The following NF1 variants were observed in gnomAD, a reference collection of about 807,000 sequenced individuals.
NF1 encodes the protein neurofibromin 1.
Under a neutral mutation model 325.7 loss-of-function variants are expected in NF1, and 122 were observed. That is an observed-to-expected ratio of 0.37 (90% CI 0.32 to 0.44). The LOEUF is 0.44. Among genes scored for constraint, NF1 ranks in the 20% least tolerant of loss-of-function variants. The probability of loss-of-function intolerance (pLI) is 1.00; values close to 1 mark genes in which losing one functional copy is unlikely to be tolerated. For missense variants in NF1, 2,140 were observed against 3,415.4 expected (o/e 0.63, Z 9.31); for synonymous variants, 1,091 against 1,186.0 (o/e 0.92, Z 1.65).
chr17:31,285,154 A>G (rs2068200306), intron 36 of NF1, among the ~76,000 whole-genome samples: 1 of 151,870 alleles, frequency 6.6e-6, no homozygotes. Flanking sequence ...GCACATGGCT[A>G]TAGTCCCAGC....
At chr17:31,195,247 AG>A (rs2143847132) in intron 8 of NF1, among the ~76,000 whole-genome samples, 1 of 152,250 alleles carries the variant, frequency 6.6e-6, no homozygotes, top group East Asian at 1.9e-4. Flanking sequence ...TCCTAAGTCA[AG>A]TACTGCTACT....
At position 31,105,237 on chromosome 17, in the gene NF1, G is replaced by A. The variant is rs17885960; in HGVS notation, c.60+9868G>A. Among the ~76,000 whole-genome samples the A allele has an allele frequency of 9.9e-5, 15 of 152,248 alleles. No homozygotes were observed. The East Asian group carries it at 2.7e-3, about 27-fold the overall frequency. On this transcript the variant is annotated intron_variant, in intron 1 of 57. Coordinates refer to ENST00000358273, the MANE Select transcript of NF1 (RefSeq NM_001042492.3). ...GAGCCACTGACTATATCATCAAAAAGCTTCTGTTGAGACAAAGCCTCAAGC... is the reference window on the plus strand; with the variant it reads ...GAGCCACTGACTATATCATCAAAAAACTTCTGTTGAGACAAAGCCTCAAGC...
chr17:31,284,704 A>G (rs2068190757), intron 36 of NF1, among the ~76,000 whole-genome samples: 1 of 152,162 alleles, frequency 6.6e-6, no homozygotes, highest in African/African-American at 2.4e-5. Flanking sequence ...GATTACGGGC[A>G]TAAGCCACTG....
chr17:31,318,782 G>T, intron 36 of NF1: 1 of 1,613,868 alleles, frequency 6.2e-7, no homozygotes, highest in South Asian at 1.1e-5. Context: ...GATGTTTCAG[G>T]CATGTTTGTA....
At chr17:31,344,298 T>C (rs911045602) in intron 48 of NF1, among the ~76,000 whole-genome samples, 3 of 152,206 alleles carry the variant, frequency 2.0e-5, no homozygotes, top group African/African-American at 7.2e-5. Context: ...CCTAACCTGG[T>C]TTTACTCCCC....
At chr17:31,283,974 C>CT (rs1447006096) in intron 36 of NF1, among the ~76,000 whole-genome samples, 1 of 152,210 alleles carries the variant, frequency 6.6e-6, no homozygotes, top group South Asian at 2.1e-4. Flanking sequence ...TAAAGCAAGT[C>CT]TTTGCCTTGT....
chr17:31,226,929 G>A (rs565021315), intron 18 of NF1, among the ~76,000 whole-genome samples: 1 of 152,290 alleles, frequency 6.6e-6, no homozygotes, highest in South Asian at 2.1e-4. Context: ...GTTACTATCA[G>A]TTATGATTAT....
intron 1 of NF1, among the ~76,000 whole-genome samples, chr17:31,113,341 C>T (rs72811699): frequency 0.045 from 6,895 of 151,912 alleles, 211 homozygotes; most frequent in Non-Finnish European, 0.074. Flanking sequence ...TCACTTCAGC[C>T]TTGAACTCCT....
At chr17:31,210,267 T>C (rs987688250) in intron 12 of NF1, among the ~76,000 whole-genome samples, 1 of 152,164 alleles carries the variant, frequency 6.6e-6, no homozygotes, top group South Asian at 2.1e-4. Context: ...AGGAATGAAT[T>C]TCTTACTTGA....
chr17:31,124,846 C>T (rs1327036867), intron 1 of NF1, among the ~76,000 whole-genome samples: 2 of 150,776 alleles, frequency 1.3e-5, no homozygotes, highest in Non-Finnish European at 3.0e-5. Flanking sequence ...CATGATCTGT[C>T]CGCCTTGGCC....
chr17:31,282,524 C>G (rs372942245), intron 36 of NF1, among the ~76,000 whole-genome samples: 31 of 152,248 alleles, frequency 2.0e-4, no homozygotes, highest in Non-Finnish European at 3.8e-4. Context: ...TCCTGCCCCC[C>G]CTCAGCCCCT....
intron 36 of NF1, among the ~76,000 whole-genome samples, chr17:31,302,439 G>A (rs1408794771): frequency 6.6e-6 from 1 of 152,092 alleles, no homozygotes; most frequent in Non-Finnish European, 1.5e-5. Context: ...CAAAGACTTG[G>A]CCAAGTATAA....
At chr17:31,145,797 A>G (rs547749661) in intron 1 of NF1, among the ~76,000 whole-genome samples, 45 of 152,320 alleles carry the variant, frequency 3.0e-4, no homozygotes, top group Middle Eastern at 3.4e-3. Flanking sequence ...AAGAAGTATC[A>G]TGAAGATTCT....
At chr17:31,234,462 G>A (rs921329231) in intron 27 of NF1, among the ~76,000 whole-genome samples, 3 of 151,638 alleles carry the variant, frequency 2.0e-5, no homozygotes, top group African/African-American at 4.8e-5. Flanking sequence ...TCACAAGGTC[G>A]GGAGATCGAG....
chr17:31,252,621 C>G (rs1567859675), intron 30 of NF1: 2 of 313,664 alleles, frequency 6.4e-6, no homozygotes, highest in Non-Finnish European at 1.2e-5. Flanking sequence ...TTCTCAAAAG[C>G]TAGGAATTAA....
chr17:31,326,465 C>T (rs911629083), intron 37 of NF1, among the ~76,000 whole-genome samples: 15 of 151,938 alleles, frequency 9.9e-5, no homozygotes, highest in South Asian at 2.1e-4. Flanking sequence ...CTGGCCAACA[C>T]GGTGAAACCC....
chr17:31,348,524 C>T (rs1001175842), intron 48 of NF1, among the ~76,000 whole-genome samples: 3 of 149,892 alleles, frequency 2.0e-5, no homozygotes, highest in Non-Finnish European at 3.0e-5. Flanking sequence ...TCACCTCCCT[C>T]GCTAGTTGAG....
At chr17:31,318,345 A>G in intron 36 of NF1, 1 of 1,610,728 alleles carries the variant, frequency 6.2e-7, no homozygotes, top group Non-Finnish European at 8.5e-7. Flanking sequence ...TTCCTTCTTC[A>G]TCTTTTCTTT....
At chr17:31,259,397 GGTACAATAT>G (rs1310838263) in intron 33 of NF1, among the ~76,000 whole-genome samples, 2 of 152,002 alleles carry the variant, frequency 1.3e-5, no homozygotes, top group African/African-American at 2.4e-5. Flanking sequence ...ATTTGAGGAT[GGTACAATAT>G]GTGGACAAGG....
Sources: gnomAD v4.1 joint callset for allele counts (sites outside exome capture counted in the v4.1 genomes callset) on GRCh38, gnomAD v4.1.1 for gene constraint, MANE v1.5 for transcripts, NCBI Gene and HGNC (gene_info 2026-07-23, HGNC 2026-07-21) for gene names.